HS6ST3: variants seen among roughly 807,000 people sequenced by gnomAD.
HS6ST3 encodes heparan sulfate 6-O-sulfotransferase 3.
In HS6ST3, 12 loss-of-function variants were observed where a neutral mutation model predicts 36.7. The observed-to-expected ratio is 0.33, with a 90% CI of 0.21 to 0.53. The LOEUF (loss-of-function observed/expected upper bound fraction) is 0.53, where lower values mean the gene tolerates loss of function less well. Ranked by LOEUF, HS6ST3 falls within the 20% of genes least tolerant of loss-of-function variation. The probability of loss-of-function intolerance (pLI) is 0.95; values close to 1 mark genes in which losing one functional copy is unlikely to be tolerated. For synonymous variants in HS6ST3, 240 were observed against 257.5 expected, an observed-to-expected ratio of 0.93 and a Z score of 0.65; for missense variants, 584 against 640.9, an observed-to-expected ratio of 0.91 and a Z score of 0.96.
intron 1 of HS6ST3, among the ~76,000 whole-genome samples, chr13:96,799,898 C>A (rs1466825089): frequency 6.9e-6 from 1 of 145,940 alleles, no homozygotes; most frequent in South Asian, 2.2e-4. Context: ...CTCCCAAAAC[C>A]CTGGACTCTT....
At chr13:96,711,207 C>G (rs1875553189) in intron 1 of HS6ST3, among the ~76,000 whole-genome samples, 1 of 152,130 alleles carries the variant, frequency 6.6e-6, no homozygotes, top group African/African-American at 2.4e-5. Flanking sequence ...CCTTGGTTGG[C>G]CACACCTCAG....
intron 1 of HS6ST3, among the ~76,000 whole-genome samples, chr13:96,538,201 T>A (rs1429341881): frequency 6.6e-6 from 1 of 152,196 alleles, no homozygotes; most frequent in African/African-American, 2.4e-5. Flanking sequence ...TCCAAATAAA[T>A]AATGTGATTC....
At chr13:96,766,349 T>C (rs1387400267) in intron 1 of HS6ST3, among the ~76,000 whole-genome samples, 1 of 152,162 alleles carries the variant, frequency 6.6e-6, no homozygotes, top group African/African-American at 2.4e-5. Context: ...TCCAAAGCAC[T>C]GATTGTGTGT....
intron 1 of HS6ST3, among the ~76,000 whole-genome samples, chr13:96,710,600 C>T (rs1875538869): frequency 6.6e-6 from 1 of 152,272 alleles, no homozygotes; most frequent in South Asian, 2.1e-4. Context: ...TCAGCCATCT[C>T]TCAGCATGAA....
intron 1 of HS6ST3, among the ~76,000 whole-genome samples, chr13:96,261,105 C>A (rs547730369): frequency 6.6e-6 from 1 of 151,884 alleles, no homozygotes; most frequent in South Asian, 2.1e-4. Flanking sequence ...TGAACAAATT[C>A]ATTATTTTAA....
intron 1 of HS6ST3, among the ~76,000 whole-genome samples, chr13:96,615,901 C>T (rs1235847884): frequency 6.6e-6 from 1 of 152,226 alleles, no homozygotes; most frequent in East Asian, 1.9e-4. Flanking sequence ...AAGTGATCCA[C>T]TTCTAGGAGG....
chr13:96,332,245 T>G (rs2055074849), intron 1 of HS6ST3, among the ~76,000 whole-genome samples: 1 of 152,204 alleles, frequency 6.6e-6, no homozygotes, highest in Admixed American at 6.5e-5. Flanking sequence ...TCTCCAAATT[T>G]CATATCATAG....
At chr13:96,219,774 C>T (rs1403600884) in intron 1 of HS6ST3, among the ~76,000 whole-genome samples, 2 of 152,096 alleles carry the variant, frequency 1.3e-5, no homozygotes, top group Non-Finnish European at 2.9e-5. Flanking sequence ...ACCTCCGCTT[C>T]CGGGGTTCAA....
chr13:96,394,060 A>G (rs1473525424), intron 1 of HS6ST3, among the ~76,000 whole-genome samples: 1 of 152,240 alleles, frequency 6.6e-6, no homozygotes, highest in Non-Finnish European at 1.5e-5. Flanking sequence ...AGGCAAATAT[A>G]TAGAAACCAA....
intron 1 of HS6ST3, among the ~76,000 whole-genome samples, chr13:96,112,077 T>A (rs1238892772): frequency 6.6e-6 from 1 of 152,110 alleles, no homozygotes; most frequent in Non-Finnish European, 1.5e-5. Flanking sequence ...AAACTACATC[T>A]CTGGATGCAT....
At chr13:96,610,244 A>G (rs2138988086) in intron 1 of HS6ST3, among the ~76,000 whole-genome samples, 1 of 152,332 alleles carries the variant, frequency 6.6e-6, no homozygotes, top group African/African-American at 2.4e-5. Context: ...AAAAATTAAG[A>G]TTTTATACAT....
chr13:96,318,114 A>G (rs2054985220), intron 1 of HS6ST3, among the ~76,000 whole-genome samples: 1 of 152,168 alleles, frequency 6.6e-6, no homozygotes, highest in South Asian at 2.1e-4. Context: ...TTGGCCAAAA[A>G]TTATTTTCCA....
At chr13:96,756,536 A>G (rs1021097383) in intron 1 of HS6ST3, among the ~76,000 whole-genome samples, 1 of 152,144 alleles carries the variant, frequency 6.6e-6, no homozygotes, top group Non-Finnish European at 1.5e-5. Context: ...AATTTCTACC[A>G]AAAAAACCTT....
At chr13:96,262,810 G>T (rs748381385) in intron 1 of HS6ST3, among the ~76,000 whole-genome samples, 1 of 152,088 alleles carries the variant, frequency 6.6e-6, no homozygotes, top group Non-Finnish European at 1.5e-5. Context: ...GATATTATCA[G>T]ATACGAGTAT....
At chr13:96,377,130 T>G (rs906659800) in intron 1 of HS6ST3, among the ~76,000 whole-genome samples, 1 of 150,510 alleles carries the variant, frequency 6.6e-6, no homozygotes, top group Non-Finnish European at 1.5e-5. Context: ...TTTGGGAGGC[T>G]GAGGTGGGAG....
At chr13:96,745,767 C>T (rs1876546970) in intron 1 of HS6ST3, among the ~76,000 whole-genome samples, 1 of 152,062 alleles carries the variant, frequency 6.6e-6, no homozygotes, top group Non-Finnish European at 1.5e-5. Flanking sequence ...ATATGCACTC[C>T]TAGAGCTTTC....
chr13:96,686,528 TTTG>T (rs905940285), intron 1 of HS6ST3, among the ~76,000 whole-genome samples: 7 of 152,038 alleles, frequency 4.6e-5, no homozygotes, highest in African/African-American at 1.7e-4. Context: ...TATTGTTGTT[TTTG>T]TTGTTGTTTG....
At chr13:96,385,716 T>C (rs1229781340) in intron 1 of HS6ST3, among the ~76,000 whole-genome samples, 2 of 152,238 alleles carry the variant, frequency 1.3e-5, no homozygotes, top group Admixed American at 1.3e-4. Flanking sequence ...ATGTTCTATA[T>C]TGAAGTAAAA....
intron 1 of HS6ST3, among the ~76,000 whole-genome samples, chr13:96,608,477 T>G (rs1255050527): frequency 1.3e-5 from 2 of 152,228 alleles, no homozygotes; most frequent in Non-Finnish European, 2.9e-5. Context: ...AGTCTGATGC[T>G]TCTCTGGATC....
Sources: gnomAD v4.1 joint callset for allele counts (sites outside exome capture counted in the v4.1 genomes callset) on GRCh38, gnomAD v4.1.1 for gene constraint, MANE v1.5 for transcripts, NCBI Gene and HGNC (gene_info 2026-07-23, HGNC 2026-07-21) for gene names.